The following TGFB2 variants were observed in gnomAD, a reference collection of about 807,000 sequenced individuals.
TGFB2 encodes transforming growth factor beta-2 proprotein.
In TGFB2, 13 loss-of-function variants were observed where a neutral mutation model predicts 42.7. That is an observed-to-expected ratio of 0.30 (90% CI 0.20 to 0.48). TGFB2 has a LOEUF of 0.48. Ranked by LOEUF, TGFB2 falls within the 20% of genes least tolerant of loss-of-function variation. The pLI is 0.99. For synonymous variants in TGFB2, 193 were observed against 193.6 expected (o/e 1.00, Z 0.03); for missense variants, 390 against 517.5 (o/e 0.75, Z 2.39).
chr1:218,358,193 C>T (rs1482490246), intron 1 of TGFB2, among the ~76,000 whole-genome samples: 1 of 152,202 alleles, frequency 6.6e-6, no homozygotes, highest in Non-Finnish European at 1.5e-5. Flanking sequence ...TTGCAAATCT[C>T]TCCATCTGAA....
At chr1:218,418,268 C>T (rs986661637) in intron 2 of TGFB2, among the ~76,000 whole-genome samples, 8 of 152,238 alleles carry the variant, frequency 5.3e-5, no homozygotes, top group Non-Finnish European at 5.9e-5. Context: ...TCAGCGTGAC[C>T]TGGACTTGAG....
At chr1:218,370,612 G>A (rs184173516) in intron 1 of TGFB2, among the ~76,000 whole-genome samples, 2 of 152,246 alleles carry the variant, frequency 1.3e-5, no homozygotes, top group East Asian at 3.9e-4. Context: ...ATAAGCTCAG[G>A]GTCACTGTCT....
At chr1:218,370,670 C>T (rs1164098802) in intron 1 of TGFB2, among the ~76,000 whole-genome samples, 2 of 152,146 alleles carry the variant, frequency 1.3e-5, no homozygotes, top group South Asian at 2.1e-4. Context: ...ACAGGTTTCT[C>T]GCACGTTCAT....
intron 2 of TGFB2, among the ~76,000 whole-genome samples, chr1:218,420,091 A>G (rs561822456): frequency 1.3e-5 from 2 of 152,180 alleles, no homozygotes; most frequent in Non-Finnish European, 2.9e-5. Context: ...TTAAAGTCAG[A>G]GTGGAATTGG....
At chr1:218,408,853 T>A (rs1183017193) in intron 2 of TGFB2, among the ~76,000 whole-genome samples, 2 of 152,180 alleles carry the variant, frequency 1.3e-5, no homozygotes, top group Non-Finnish European at 2.9e-5. Flanking sequence ...GCATTACTTT[T>A]ATTGTGCACT....
intron 4 of TGFB2, among the ~76,000 whole-genome samples, chr1:218,434,850 A>G (rs1023721731): frequency 1.3e-5 from 2 of 152,352 alleles, no homozygotes; most frequent in South Asian, 4.1e-4. Flanking sequence ...CGTATTTCAC[A>G]GAAGAAAGGA....
chr1:218,346,601 A>G lies in TGFB2; in HGVS notation c.-101A>G, dbSNP rs1656685944. ...TTTCGCATCAAAAACAACAACAACAAAAAACCAAACAACTCTCCTTGATCT... is the reference window on the plus strand; with the variant it reads ...TTTCGCATCAAAAACAACAACAACAGAAAACCAAACAACTCTCCTTGATCT... On this transcript the variant is annotated 5_prime_UTR_variant, in exon 1 of 7. Transcript: ENST00000366930. This position sits in a 1 kb window ranked among gnomAD's most constrained non-coding sequence, Gnocchi z 4.9. 13 of 1,143,376 alleles carry G rather than the reference A, an allele frequency of 1.1e-5. No homozygotes were observed. Among genetic ancestry groups the G allele is most frequent in the Non-Finnish European group, 1.6e-5 (13 of 828,618 alleles). 70.8% of individuals were successfully genotyped at this position (1,143,376 alleles called of 1,614,324 possible).
intron 1 of TGFB2, among the ~76,000 whole-genome samples, chr1:218,350,704 T>C (rs1173071443): frequency 6.6e-6 from 1 of 152,256 alleles, no homozygotes; most frequent in Admixed American, 6.5e-5. Flanking sequence ...TTTTGTGGTC[T>C]TAAAGCCCCT....
At chr1:218,423,138 T>G (rs1659510342) in intron 2 of TGFB2, among the ~76,000 whole-genome samples, 1 of 152,178 alleles carries the variant, frequency 6.6e-6, no homozygotes. Flanking sequence ...TCTCTGTGCC[T>G]GTCTGCCTGA....
chr1:218,386,523 A>G (rs767812506), intron 1 of TGFB2, among the ~76,000 whole-genome samples: 17 of 152,248 alleles, frequency 1.1e-4, no homozygotes, highest in Admixed American at 3.3e-4. Flanking sequence ...AATGACTCCA[A>G]GAATGGCTTT....
At chr1:218,395,303 GGA>G (rs1156380665) in intron 1 of TGFB2, among the ~76,000 whole-genome samples, 1 of 152,156 alleles carries the variant, frequency 6.6e-6, no homozygotes, top group African/African-American at 2.4e-5. Flanking sequence ...GTTCTCTTAG[GGA>G]GTATCCGTGA....
rs946705793 is a variant in TGFB2, at chr1:218,443,281, A to C, written c.*1919A>C. The C allele has an allele frequency of 6.6e-6, 1 of 152,316 alleles. No individual in the cohort carries two copies. The highest frequency in any genetic ancestry group is 6.5e-5 in the Admixed American group (1 of 15,292). The allele number at this position is 152,316 out of a possible 1,614,324, so 9.4% of individuals were successfully genotyped here. ...GGTTAATAGAATATGTCAGTTTATC[A>C]CTTGTCGCTTATTTAGCTTTAAAAT... On this transcript the variant is annotated 3_prime_UTR_variant, in exon 7 of 7. Transcript: ENST00000366930.
intron 1 of TGFB2, among the ~76,000 whole-genome samples, chr1:218,358,575 G>A (rs1330324700): frequency 1.4e-5 from 2 of 140,294 alleles, no homozygotes; most frequent in African/African-American, 5.6e-5. Flanking sequence ...TTGAGACAGA[G>A]TCTCGCTCCG....
chr1:218,432,793 C>G (rs181616779), intron 2 of TGFB2, among the ~76,000 whole-genome samples: 1 of 152,128 alleles, frequency 6.6e-6, no homozygotes, highest in African/African-American at 2.4e-5. Context: ...ATGGAATGAC[C>G]ACAAAACAGA....
Position 218,434,225 on chromosome 1 carries a change from A to T in TGFB2, c.643+11A>T. 1 of 1,613,020 alleles carries T rather than the reference A, an allele frequency of 6.2e-7. No homozygotes were observed. Among genetic ancestry groups the T allele is most frequent in the South Asian group, 1.1e-5 (1 of 91,034 alleles). On this transcript the variant is annotated intron_variant, in intron 3 of 6. Transcript: ENST00000366930. ...GGCTTCACCATAAAGGTTACAAGCC[A>T]CTCTCTCTTTTCCTCCCAAGATGTT...
Position 218,427,641 on chromosome 1 carries a change from A to G in TGFB2, c.511-6441A>G, listed in dbSNP as rs12090312. Among the ~76,000 whole-genome samples the G allele has an allele frequency of 6.9e-3, 1,056 of 152,254 alleles. 12 individuals carry two copies. Among genetic ancestry groups the G allele is most frequent in the African/African-American group, 0.023 (974 of 41,548 alleles). Reference sequence around the variant, plus strand: ...AGAATGATGGTTTCTAGCTTCATCCATGTCCCTACAGAAGACATGAACTCA... The same window carrying G: ...AGAATGATGGTTTCTAGCTTCATCCGTGTCCCTACAGAAGACATGAACTCA... On this transcript the variant is annotated intron_variant, in intron 2 of 6. Coordinates refer to ENST00000366930, the MANE Select transcript of TGFB2 (RefSeq NM_003238.6).
chr1:218,398,793 G>T (rs1485193770), intron 1 of TGFB2, among the ~76,000 whole-genome samples: 5 of 152,082 alleles, frequency 3.3e-5, no homozygotes, highest in Non-Finnish European at 7.4e-5. Flanking sequence ...TCACCATGTG[G>T]CCAGGATGGT....
At chr1:218,382,798 A>G (rs1368376479) in intron 1 of TGFB2, among the ~76,000 whole-genome samples, 1 of 152,192 alleles carries the variant, frequency 6.6e-6, no homozygotes, top group African/African-American at 2.4e-5. Flanking sequence ...ACAAGGACTA[A>G]AGTCACAAAC....
chr1:218,425,730 G>T (rs1659601455), intron 2 of TGFB2, among the ~76,000 whole-genome samples: 2 of 152,164 alleles, frequency 1.3e-5, no homozygotes, highest in South Asian at 4.1e-4. Flanking sequence ...TCCAAAAGGG[G>T]GACGACCTTT....
Sources: allele counts gnomAD v4.1 joint callset (sites outside exome capture counted in the v4.1 genomes callset), GRCh38; gene constraint gnomAD v4.1.1; non-coding constraint Gnocchi (gnomAD v3.1); transcripts MANE v1.5; gene names NCBI Gene and HGNC (gene_info 2026-07-23, HGNC 2026-07-21).